The following STK17A variants were observed in gnomAD, a reference collection of about 807,000 sequenced individuals.
The protein encoded by STK17A is serine/threonine-protein kinase 17A.
A neutral mutation model predicts 43.7 loss-of-function variants in STK17A; 26 were observed. That is an observed-to-expected ratio of 0.60 (90% CI 0.44 to 0.83). The LOEUF (loss-of-function observed/expected upper bound fraction) is 0.83. Ranked by LOEUF, STK17A falls within the 40% of genes least tolerant of loss-of-function variation. STK17A has a pLI of 0.00. For synonymous variants in STK17A, 191 were observed against 182.5 expected, an observed-to-expected ratio of 1.05 and a Z score of -0.38; for missense variants, 476 against 511.6, an observed-to-expected ratio of 0.93 and a Z score of 0.67.
chr7:43,607,494 A>G (rs1016430529), intron 2 of STK17A, among the ~76,000 whole-genome samples: 12 of 151,808 alleles, frequency 7.9e-5, no homozygotes, highest in African/African-American at 2.7e-4. Context: ...CTAAAATACA[A>G]AAAAATTAGC....
chr7:43,624,616 CA>C lies in STK17A; in HGVS notation c.1022del (p.Asn341MetfsTer26). Reference sequence around the variant, plus strand: ...AGGATGGAAAAGGCACTAGAAGAAGCAAATGCCCTCCAAGAAGGTCATTCTG... The same window carrying C: ...AGGATGGAAAAGGCACTAGAAGAAGCAATGCCCTCCAAGAAGGTCATTCTG... ...SFRMEKALEEANALQEGHSVP... is the reference protein window; with the variant it reads ...SFRMEKALEEXNALQEGHSVP... On this transcript the variant is annotated frameshift_variant, in exon 7 of 7. Coordinates refer to ENST00000319357, the MANE Select transcript of STK17A (RefSeq NM_004760.3). LOFTEE classifies it high-confidence loss of function. The C allele has an allele frequency of 6.2e-7, 1 of 1,614,062 alleles. No individual in the cohort carries two copies. The highest frequency in any genetic ancestry group is 8.5e-7 in the Non-Finnish European group (1 of 1,179,990).
chr7:43,600,567 T>C (rs1192762724), intron 2 of STK17A, among the ~76,000 whole-genome samples: 1 of 152,232 alleles, frequency 6.6e-6, no homozygotes, highest in Non-Finnish European at 1.5e-5. Flanking sequence ...TTTTTATTTT[T>C]ATAATGTAAA....
At chr7:43,598,512 T>C (rs1283334436) in intron 2 of STK17A, among the ~76,000 whole-genome samples, 1 of 148,466 alleles carries the variant, frequency 6.7e-6, no homozygotes, top group East Asian at 1.9e-4. Flanking sequence ...AAGTGAAATA[T>C]ATAAATGTAT....
chr7:43,617,509 G>T (rs1339258122), intron 3 of STK17A, among the ~76,000 whole-genome samples: 1 of 152,108 alleles, frequency 6.6e-6, no homozygotes, highest in African/African-American at 2.4e-5. Flanking sequence ...GAATGGCCAA[G>T]ATGATTGTTA....
Position 43,583,461 on chromosome 7 carries a change from CG to C in STK17A, c.206+16del. ...CGGGAGCTGGGCAGGTGAGGACGGG[CG>C]GGGCCCGGCGCGGAACCTTCCCGGA... On this transcript the variant is annotated intron_variant, in intron 1 of 6. Transcript: ENST00000319357. 1 of 1,302,792 alleles carries C rather than the reference CG, an allele frequency of 7.7e-7. No individual in the cohort carries two copies. The highest frequency in any genetic ancestry group is 9.7e-7 in the Non-Finnish European group (1 of 1,027,726). 80.7% of individuals were successfully genotyped at this position (1,302,792 alleles called of 1,614,324 possible). A position where few individuals can be genotyped will look rare whatever the true frequency, so the allele number is the denominator to read the frequency against.
chr7:43,615,178 G>T (rs2152992235), intron 3 of STK17A, among the ~76,000 whole-genome samples: 1 of 151,822 alleles, frequency 6.6e-6, no homozygotes, highest in Admixed American at 6.6e-5. Context: ...TTTGTTTTTT[G>T]TTTGTTTGTT....
intron 1 of STK17A, among the ~76,000 whole-genome samples, chr7:43,593,121 G>A (rs1471590048): frequency 6.6e-6 from 1 of 152,104 alleles, no homozygotes; most frequent in Non-Finnish European, 1.5e-5. Context: ...CTATGCCTGT[G>A]TATCCATTTA....
At position 43,583,197 on chromosome 7, in the gene STK17A, C is replaced by T. The variant is rs763229220; in HGVS notation, c.-47C>T. 3.2e-5 allele frequency: 49 copies of T among 1,544,884 alleles called. No individual in the cohort carries two copies. In the African/African-American group the frequency reaches 5.6e-4, roughly 18 times the overall value. On this transcript the variant is annotated 5_prime_UTR_variant, in exon 1 of 7. Transcript: ENST00000319357. Reference sequence around the variant, plus strand: ...CGGGGGCGGGTCCGTGACCCTCCGGCTGCTCGGAGTGAACAGGCGGCCAGG... The same window carrying T: ...CGGGGGCGGGTCCGTGACCCTCCGGTTGCTCGGAGTGAACAGGCGGCCAGG...
chr7:43,593,056 T>C (rs770623881), intron 1 of STK17A, among the ~76,000 whole-genome samples: 1 of 152,224 alleles, frequency 6.6e-6, no homozygotes, highest in Non-Finnish European at 1.5e-5. Flanking sequence ...CAATAGGTAG[T>C]ATTTAATTCC....
At chr7:43,610,888 G>T (rs1438379385) in intron 3 of STK17A, among the ~76,000 whole-genome samples, 1 of 151,720 alleles carries the variant, frequency 6.6e-6, no homozygotes, top group African/African-American at 2.4e-5. Context: ...AGGTCAAGGA[G>T]GGCAGATCGC....
In STK17A at chr7:43,583,417, C is replaced by T; in HGVS notation, c.174C>T (p.Gly58=). The change falls in exon 1 of 7, where the codon GGC becomes GGT. Residue 58 remains glycine (G), a synonymous_variant. Transcript: ENST00000319357. ...AVVRTEPFQD[G]YSLCPGRELG... is the part of the protein sequence containing the mutation. ...TGCGCACCGAGCCCTTCCAGGACGG[C>T]TACAGCCTGTGCCCGGGCCGGGAGC... 1 of 1,414,070 alleles carries T rather than the reference C, an allele frequency of 7.1e-7. No individual in the cohort carries two copies. Among genetic ancestry groups the T allele is most frequent in the Non-Finnish European group, 9.2e-7 (1 of 1,082,474 alleles). The allele number at this position is 1,414,070 out of a possible 1,614,324, so 87.6% of individuals were successfully genotyped here.
chr7:43,589,844 C>G (rs934356509), intron 1 of STK17A, among the ~76,000 whole-genome samples: 1 of 151,292 alleles, frequency 6.6e-6, no homozygotes, highest in Non-Finnish European at 1.5e-5. Context: ...CTAGTTATCA[C>G]TGGCAATCCA....
chr7:43,586,341 T>C (rs2152970232), intron 1 of STK17A, among the ~76,000 whole-genome samples: 1 of 151,598 alleles, frequency 6.6e-6, no homozygotes, highest in East Asian at 1.9e-4. Context: ...TTTTAAATGG[T>C]CAACATTGAT....
At chr7:43,624,240 T>G (rs781480009) in intron 6 of STK17A, among the ~76,000 whole-genome samples, 33 of 152,210 alleles carry the variant, frequency 2.2e-4, no homozygotes, top group Non-Finnish European at 2.6e-4. Flanking sequence ...AAATGACAGC[T>G]AATCTCTAGC....
At chr7:43,622,448 T>A (rs373140245) in intron 4 of STK17A, 3 of 152,314 alleles carry the variant, frequency 2.0e-5, no homozygotes, top group South Asian at 2.1e-4. Context: ...TTCCTTTTTT[T>A]AATTGTAATT....
chr7:43,624,522 C>T lies in STK17A; in HGVS notation c.925C>T (p.Arg309Ter). 1.2e-6 allele frequency: 2 copies of T among 1,609,684 alleles called. No homozygotes were observed. Among genetic ancestry groups the T allele is most frequent in the Non-Finnish European group, 1.7e-6 (2 of 1,177,814 alleles). The part of the protein sequence containing the change: ...RTLLVKKPED[R>*]ATAEECLKHP... ...GTAAAACATGTATCTTTACAGAGAT[C>T]GAGCCACTGCTGAAGAATGTCTAAA... Residue 309 changes from arginine to a stop codon, truncating the protein, a stop_gained, in exon 7 of 7, where the codon CGA becomes TGA. Coordinates refer to ENST00000319357, the MANE Select transcript of STK17A (RefSeq NM_004760.3). LOFTEE classifies it high-confidence loss of function.
In STK17A at chr7:43,623,516, C is replaced by T. The variant is rs2084143128; in HGVS notation, c.692-56C>T. ...ATGCTTAGTTTTTTATCTCTTAGAG[C>T]AAATTAGGAATTTTTTTCCACAAAA... On this transcript the variant is annotated intron_variant, in intron 4 of 6. Transcript: ENST00000319357. 2.7e-6 allele frequency: 4 copies of T among 1,500,334 alleles called. No homozygotes were observed. The South Asian group carries it at 4.7e-5, about 18-fold the overall frequency. The allele number at this position is 1,500,334 out of a possible 1,614,324, so 92.9% of individuals were successfully genotyped here.
intron 4 of STK17A, 98 bp from the exon 5 acceptor site, chr7:43,623,474 G>A (rs2084133854): frequency 1.1e-6 from 1 of 945,628 alleles, no homozygotes; most frequent in Non-Finnish European, 1.6e-6. Context: ...ACGTTGGATA[G>A]TGCCTTATAG....
intron 2 of STK17A, among the ~76,000 whole-genome samples, chr7:43,598,710 G>A (rs899105490): frequency 5.3e-5 from 8 of 151,792 alleles, no homozygotes; most frequent in Admixed American, 3.9e-4. Flanking sequence ...GTACAAAAAG[G>A]ACATCTCTTC....
Sources: gnomAD v4.1 joint callset for allele counts (sites outside exome capture counted in the v4.1 genomes callset) on GRCh38, gnomAD v4.1.1 for gene constraint, MANE v1.5 for transcripts, NCBI Gene and HGNC (gene_info 2026-07-23, HGNC 2026-07-21) for gene names.